The following CHD8 variants were observed in gnomAD, a reference collection of about 807,000 sequenced individuals.
CHD8 encodes the protein chromodomain helicase DNA binding protein 8.
Under a neutral mutation model 279.2 loss-of-function variants are expected in CHD8, and 31 were observed. The ratio of observed to expected loss-of-function variants is 0.11; its 90% CI spans 0.08 to 0.15. The LOEUF (loss-of-function observed/expected upper bound fraction) is 0.15, where lower values mean the gene tolerates loss of function less well. CHD8 is among the 10% of genes least tolerant of loss of function. The pLI is 1.00. For synonymous variants in CHD8, 1,081 were observed against 1,139.6 expected (o/e 0.95, Z 1.04); for missense variants, 2,146 against 3,230.5 (o/e 0.66, Z 8.14).
At position 21,431,303 on chromosome 14, in the gene CHD8, G is replaced by A. The variant is rs111250264; in HGVS notation, c.341C>T (p.Thr114Met). The A allele has an allele frequency of 1.6e-4, 256 of 1,556,394 alleles. No homozygotes were observed. In the African/African-American group the frequency reaches 2.7e-3, roughly 17 times the overall value. The change falls in exon 2 of 38, where the codon ACG becomes ATG. Residue 114 changes from threonine (T) to methionine (M), a missense_variant. Physicochemically the swap from Thr to Met is moderately conservative, Grantham distance 81 (BLOSUM62 -1). Coordinates refer to ENST00000646647, the MANE Select transcript of CHD8 (RefSeq NM_001170629.2). Reference protein sequence around the residue: ...QPAQPVLQTSTPTSGLLQVSK... With the variant: ...QPAQPVLQTSMPTSGLLQVSK... ...GACTTGCAAAAGTCCTGATGTTGGC[G>A]TCGATGTCTGTAAGACAGGTTGGGC... is the stretch of plus-strand genomic sequence containing the variant.
At chr14:21,430,732 T>C in intron 2 of CHD8, 69 bp downstream of exon 2, 6 of 943,822 alleles carry the variant, frequency 6.4e-6, no homozygotes, top group Non-Finnish European at 9.4e-6. Context: ...TCTCATGTGC[T>C]CACTCTCTCA....
intron 4 of CHD8, chr14:21,426,473 G>T (rs1228348098): frequency 4.4e-6 from 2 of 452,264 alleles, no homozygotes; most frequent in East Asian, 7.7e-5. Flanking sequence ...TGTTATTACT[G>T]TGTTCACAAA....
chr14:21,399,927 A>G (rs1378320765), intron 25 of CHD8, 54 bp downstream of exon 25: 2 of 1,417,202 alleles, frequency 1.4e-6, no homozygotes, highest in African/African-American at 2.8e-5. Flanking sequence ...AAGCAAACCA[A>G]TCTTCCCTCA....
In CHD8 at chr14:21,401,496, A is replaced by C. The variant is rs768522642; in HGVS notation, c.4080T>G (p.Ser1360=). ...STFAKASFVA[S]ENRTDISLDD... ...CCAAAGAAATATCTGTCCTGTTTTC[A>C]GAAGCAACAAAGCTTGCCTAGAGAA... Residue 1360 remains serine, a synonymous_variant, in exon 21 of 38, where the codon TCT becomes TCG. Transcript: ENST00000646647. The C allele has an allele frequency of 1.3e-6, 2 of 1,584,966 alleles. No individual in the cohort carries two copies. Among genetic ancestry groups the C allele is most frequent in the South Asian group, 2.3e-5 (2 of 85,806 alleles).
At chr14:21,401,829 G>C (rs999641242) in intron 20 of CHD8, 128 bp downstream of exon 20, 1 of 839,172 alleles carries the variant, frequency 1.2e-6, no homozygotes, top group Non-Finnish European at 1.9e-6. Flanking sequence ...CAAGTGATCT[G>C]CCCGCCTCAG....
intron 1 of CHD8, among the ~76,000 whole-genome samples, chr14:21,447,233 A>T (rs1032964353): frequency 6.6e-6 from 1 of 152,212 alleles, no homozygotes. Flanking sequence ...GGCACTACAC[A>T]TAAAAGACTG....
rs781207093 is a variant in CHD8 at position 21,428,184 on chromosome 14, G to A, written c.1286C>T (p.Ala429Val). ...AGCAGAGCTTGCTGGTGATGACAAA[G>A]CTGCCACTTCACTGGCACTCAGAAC... Reference protein sequence around the residue: ...VKVLSASEVAALSSPASSAPH... With the variant: ...VKVLSASEVAVLSSPASSAPH... Residue 429 changes from alanine (A) to valine (V), a missense_variant, in exon 4 of 38, where the codon GCT becomes GTT. By Grantham distance (64) the Ala-to-Val change is moderately conservative. Transcript: ENST00000646647. 5.6e-6 allele frequency: 9 copies of A among 1,613,584 alleles called. No individual in the cohort carries two copies. Among genetic ancestry groups the A allele is most frequent in the Non-Finnish European group, 6.8e-6 (8 of 1,179,828 alleles).
Position 21,393,211 on chromosome 14 carries a change from C to T in CHD8, c.6363G>A (p.Leu2121=). ...RSKLYDEESL[L]SLTMSQDGFP... ...ATCCATCTTGGGACATAGTGAGGGACAGGAGACTCTCTTCATCATAGAGCT... is the reference window on the plus strand; with the variant it reads ...ATCCATCTTGGGACATAGTGAGGGATAGGAGACTCTCTTCATCATAGAGCT... The change falls in exon 33 of 38, where the codon CTG becomes CTA. Residue 2121 remains leucine (L), a synonymous_variant. Transcript: ENST00000646647. 1.2e-6 allele frequency: 2 copies of T among 1,613,954 alleles called. No homozygotes were observed. The highest frequency in any genetic ancestry group is 1.7e-6 in the Non-Finnish European group (2 of 1,179,868).
intron 1 of CHD8, among the ~76,000 whole-genome samples, chr14:21,435,215 G>A (rs1889731680): frequency 6.6e-6 from 1 of 152,190 alleles, no homozygotes; most frequent in South Asian, 2.1e-4. Context: ...GCATGTAGGG[G>A]GTGAGGGATG....
At chr14:21,426,045 T>TA (rs1889300715) in intron 5 of CHD8, 83 bp downstream of exon 5, 2 of 827,256 alleles carry the variant, frequency 2.4e-6, no homozygotes, top group Non-Finnish European at 2.0e-6. Context: ...TGTATAGACT[T>TA]ACGATTTCTC....
intron 5 of CHD8, among the ~76,000 whole-genome samples, chr14:21,422,009 A>G (rs1308818281): frequency 6.6e-6 from 1 of 152,192 alleles, no homozygotes; most frequent in Non-Finnish European, 1.5e-5. Context: ...CTTGCAGACC[A>G]TTTGATCTTG....
At position 21,400,565 on chromosome 14, in the gene CHD8, C is replaced by A; in HGVS notation, c.4418G>T (p.Arg1473Leu). 1 of 1,606,118 alleles carries A rather than the reference C, an allele frequency of 6.2e-7. No individual in the cohort carries two copies. Among genetic ancestry groups the A allele is most frequent in the Non-Finnish European group, 8.5e-7 (1 of 1,178,088 alleles). Residue 1473 changes from arginine (R) to leucine (L), a missense_variant, in exon 23 of 38, where the codon CGT becomes CTT. Arg to Leu is a moderately radical substitution (Grantham distance 102, BLOSUM62 -2). Coordinates refer to ENST00000646647, the MANE Select transcript of CHD8 (RefSeq NM_001170629.2). This position sits in a 1 kb window ranked among gnomAD's most constrained non-coding sequence, Gnocchi z 4.2. ...DILSHGRFKR[R>L]MTERDVETIC... Reference sequence around the variant, plus strand: ...GGTCTCCACATCTCGTTCAGTCATACGTCGCTTGAAGCGTCCATGAGATAA... The same window carrying A: ...GGTCTCCACATCTCGTTCAGTCATAAGTCGCTTGAAGCGTCCATGAGATAA...
At position 21,409,556 on chromosome 14, in the gene CHD8, GTAT is replaced by G. The variant is rs1420733968; in HGVS notation, c.2364+292_2364+294del. On this transcript the variant is annotated intron_variant, in intron 11 of 37. Transcript: ENST00000646647. ...ATTAAATTTTTTAGGTGTAATAATG[GTAT>G]TATTTCTTTTAGGCAAAAACACTGT... Among the ~76,000 whole-genome samples the G allele has an allele frequency of 3.3e-5, 5 of 152,072 alleles. 1 individual carries two copies. The highest frequency in any genetic ancestry group is 7.2e-5 in the African/African-American group (3 of 41,398).
chr14:21,450,244 G>T (rs985532468), intron 1 of CHD8, among the ~76,000 whole-genome samples: 1 of 152,180 alleles, frequency 6.6e-6, no homozygotes, highest in African/African-American at 2.4e-5. Flanking sequence ...ACGAAATTCT[G>T]TTATGATTTG....
chr14:21,412,617 A>G (rs1227428713), intron 10 of CHD8, among the ~76,000 whole-genome samples: 1 of 151,758 alleles, frequency 6.6e-6, no homozygotes, highest in East Asian at 1.9e-4. Context: ...CCAACACCCC[A>G]CCTCCAACTG....
chr14:21,412,990 C>G lies in CHD8; in HGVS notation c.2149G>C (p.Glu717Gln). Residue 717 changes from glutamate (E) to glutamine (Q), a missense_variant, in exon 10 of 38, where the codon GAG becomes CAG. Around this residue, in one of 26 missense-constraint regions of CHD8, gnomAD observed 211 missense variants for 464.7 expected, o/e 0.45. Coordinates refer to ENST00000646647, the MANE Select transcript of CHD8 (RefSeq NM_001170629.2). Reference sequence around the variant, plus strand: ...TCTACGTAGTCTGGATTAAAGGGCTCTTCATCCTAGATGAGTTAGGAAACC... The same window carrying G: ...TCTACGTAGTCTGGATTAAAGGGCTGTTCATCCTAGATGAGTTAGGAAACC... ...QMRHFFHEDE[E>Q]PFNPDYVEVD... 1 of 1,599,260 alleles carries G rather than the reference C, an allele frequency of 6.3e-7. No individual in the cohort carries two copies. The highest frequency in any genetic ancestry group is 1.7e-4 in the Middle Eastern group (1 of 6,046).
intron 5 of CHD8, among the ~76,000 whole-genome samples, chr14:21,424,038 A>G (rs1173426176): frequency 6.6e-6 from 1 of 152,182 alleles, no homozygotes; most frequent in Non-Finnish European, 1.5e-5. Flanking sequence ...TTATATTATC[A>G]AGTGTACCAA....
At chr14:21,394,582 AAC>A in intron 30 of CHD8, 97 bp from the exon 31 acceptor site, 1 of 811,322 alleles carries the variant, frequency 1.2e-6, no homozygotes, top group Non-Finnish European at 1.9e-6. Flanking sequence ...AATATCTGAA[AAC>A]ACAAAAATTG....
In CHD8 at chr14:21,393,865, A is replaced by G. The variant is rs778817354; in HGVS notation, c.5930T>C (p.Leu1977Ser). ...CAGCAGTGGAGTAGAGCAGCGTGAC[A>G]AGGATGGAGCTGGTGCTCCTGCTTG... ...NHQAGAPAPS[L>S]SRCSTPLLHQ... The change falls in exon 32 of 38, where the codon TTG (leucine) becomes TCG (serine). Residue 1977 changes from leucine to serine, a missense_variant. Physicochemically the swap from Leu to Ser is moderately radical, Grantham distance 145. Around this residue, in one of 26 missense-constraint regions of CHD8, gnomAD observed 513 missense variants for 637.6 expected, o/e 0.80. Transcript: ENST00000646647. The G allele has an allele frequency of 6.2e-7, 1 of 1,613,870 alleles. No homozygotes were observed. The highest frequency in any genetic ancestry group is 1.3e-5 in the African/African-American group (1 of 74,908).
Sources: allele counts gnomAD v4.1 joint callset (sites outside exome capture counted in the v4.1 genomes callset), GRCh38; gene constraint gnomAD v4.1.1; regional missense constraint gnomAD v4.1.1; non-coding constraint Gnocchi (gnomAD v3.1); transcripts MANE v1.5; gene names NCBI Gene and HGNC (gene_info 2026-07-23, HGNC 2026-07-21).